The following SORBS2 variants were observed in gnomAD, a reference collection of about 807,000 sequenced individuals.
The protein encoded by SORBS2 is sorbin and SH3 domain-containing protein 2.
SORBS2 carries 46 observed loss-of-function variants against 97.7 expected under a neutral mutation model. The ratio of observed to expected loss-of-function variants is 0.47; its 90% CI spans 0.37 to 0.60. SORBS2 has a LOEUF of 0.60. Ranked by LOEUF, SORBS2 falls within the 20% of genes least tolerant of loss-of-function variation. SORBS2 has a pLI of 0.00. For synonymous variants in SORBS2, 476 were observed against 473.4 expected (o/e 1.01, Z -0.07); for missense variants, 1,316 against 1,282.3 (o/e 1.03, Z -0.40).
chr4:185,822,167 C>A (rs1190550957), intron 1 of SORBS2, among the ~76,000 whole-genome samples: 1 of 152,208 alleles, frequency 6.6e-6, no homozygotes, highest in African/African-American at 2.4e-5. Flanking sequence ...TCTTAAAATT[C>A]TTCACCTGCA....
intron 2 of SORBS2, 94 bp from the exon 3 acceptor site, chr4:185,734,248 C>T (rs2098667093): frequency 6.6e-6 from 1 of 152,476 alleles, no homozygotes; most frequent in Non-Finnish European, 1.5e-5. Context: ...CTGAGGACAA[C>T]GTTATCATCA....
intron 4 of SORBS2, among the ~76,000 whole-genome samples, chr4:185,675,662 A>C (rs2097780196): frequency 6.6e-6 from 1 of 152,166 alleles, no homozygotes; most frequent in Admixed American, 6.5e-5. Flanking sequence ...ATTATTAATA[A>C]ACATAAACAA....
chr4:185,672,649 T>C (rs2153489764), intron 4 of SORBS2, among the ~76,000 whole-genome samples: 1 of 152,358 alleles, frequency 6.6e-6, no homozygotes, highest in South Asian at 2.1e-4. Context: ...AGTTTTCTTC[T>C]TAAATTAATG....
At chr4:185,661,183 G>A (rs1226185449), upstream of SORBS2, among the ~76,000 whole-genome samples, 1 of 151,664 alleles carries the variant, frequency 6.6e-6, no homozygotes, top group Non-Finnish European at 1.5e-5. Flanking sequence ...GGCTGAGGCA[G>A]GAGCATCACT....
chr4:185,797,835 A>G (rs530884940), intron 1 of SORBS2, among the ~76,000 whole-genome samples: 5 of 152,268 alleles, frequency 3.3e-5, no homozygotes, highest in African/African-American at 9.6e-5. Context: ...CCAGCCTGCA[A>G]TGTGCTTTCA....
chr4:185,936,533 A>G (rs536192521), intron 1 of SORBS2, among the ~76,000 whole-genome samples: 1 of 152,340 alleles, frequency 6.6e-6, no homozygotes, highest in Non-Finnish European at 1.5e-5. Flanking sequence ...TAAGTGTGAC[A>G]TATTCAGAAA....
chr4:185,743,800 CT>C, intron 2 of SORBS2, among the ~76,000 whole-genome samples: 1 of 151,158 alleles, frequency 6.6e-6, no homozygotes, highest in South Asian at 2.1e-4. Flanking sequence ...TCTTATTCCT[CT>C]TCCTCCTCCT....
intron 1 of SORBS2, among the ~76,000 whole-genome samples, chr4:185,907,562 TTTTTA>T (rs1411570849): frequency 6.6e-6 from 1 of 152,226 alleles, no homozygotes; most frequent in Non-Finnish European, 1.5e-5. Flanking sequence ...TTCTTGCCTC[TTTTTA>T]TTTTGTTTCT....
At chr4:185,685,244 G>A (rs1170636947) in intron 2 of SORBS2, among the ~76,000 whole-genome samples, 3 of 152,110 alleles carry the variant, frequency 2.0e-5, no homozygotes, top group Non-Finnish European at 2.9e-5. Context: ...AGGATTAAAG[G>A]CTATGGTACA....
intron 11 of SORBS2, chr4:185,614,609 G>A (rs1241841325): frequency 2.0e-6 from 1 of 510,116 alleles, no homozygotes; most frequent in African/African-American, 1.9e-5. Context: ...CACAGAGGGA[G>A]AAGCCTGGTA....
intron 1 of SORBS2, among the ~76,000 whole-genome samples, chr4:185,793,671 G>A (rs1391808003): frequency 6.6e-6 from 1 of 152,162 alleles, no homozygotes; most frequent in Middle Eastern, 3.2e-3. Context: ...ACAAAACAAA[G>A]CGTGTCTGGG....
chr4:185,643,852 T>C (rs1222922891), intron 4 of SORBS2, among the ~76,000 whole-genome samples: 1 of 152,178 alleles, frequency 6.6e-6, no homozygotes, highest in Non-Finnish European at 1.5e-5. Context: ...AATAAGACCT[T>C]GATACCCCTC....
At chr4:185,868,988 C>G (rs2099228887) in intron 1 of SORBS2, among the ~76,000 whole-genome samples, 1 of 152,184 alleles carries the variant, frequency 6.6e-6, no homozygotes, top group Non-Finnish European at 1.5e-5. Flanking sequence ...GAGAAATACA[C>G]AATCGCAGCA....
intron 2 of SORBS2, among the ~76,000 whole-genome samples, chr4:185,683,884 T>A (rs994013502): frequency 1.3e-5 from 2 of 152,194 alleles, no homozygotes; most frequent in Non-Finnish European, 2.9e-5. Context: ...TGTAGAAGAC[T>A]GTGATATGCA....
chr4:185,700,137 A>C (rs2098239271), intron 2 of SORBS2, among the ~76,000 whole-genome samples: 1 of 152,248 alleles, frequency 6.6e-6, no homozygotes, highest in Non-Finnish European at 1.5e-5. Context: ...GATTAGGTTG[A>C]AGAGACTGGC....
chr4:185,704,830 C>T (rs571945020), intron 2 of SORBS2, among the ~76,000 whole-genome samples: 1 of 152,126 alleles, frequency 6.6e-6, no homozygotes, highest in Non-Finnish European at 1.5e-5. Context: ...ATTTCTAGTC[C>T]TTTTGATTTT....
chr4:185,818,139 G>T (rs1433692594), intron 1 of SORBS2, among the ~76,000 whole-genome samples: 2 of 152,182 alleles, frequency 1.3e-5, no homozygotes, highest in African/African-American at 4.8e-5. Context: ...ACCCAGAATG[G>T]TAATTATTTT....
intron 1 of SORBS2, among the ~76,000 whole-genome samples, chr4:185,914,543 C>T (rs984560669): frequency 7.9e-5 from 12 of 152,178 alleles, no homozygotes; most frequent in Non-Finnish European, 1.5e-4. Context: ...TATAAAGGTG[C>T]AAATATCTGG....
At chr4:185,793,460 T>G (rs2099090687) in intron 1 of SORBS2, among the ~76,000 whole-genome samples, 1 of 152,258 alleles carries the variant, frequency 6.6e-6, no homozygotes, top group South Asian at 2.1e-4. Flanking sequence ...AGTGTGTTTG[T>G]TATACTCTAA....
Sources: gnomAD v4.1 joint callset for allele counts (sites outside exome capture counted in the v4.1 genomes callset) on GRCh38, gnomAD v4.1.1 for gene constraint, MANE v1.5 for transcripts, NCBI Gene and HGNC (gene_info 2026-07-23, HGNC 2026-07-21) for gene names.